The following WBP11 variants were observed in gnomAD, a reference collection of about 807,000 sequenced individuals.
The protein encoded by WBP11 is WW domain-binding protein 11.
In WBP11, 12 loss-of-function variants were observed where a neutral mutation model predicts 66.7. The observed-to-expected ratio is 0.18, with a 90% confidence interval of 0.12 to 0.29. The LOEUF (loss-of-function observed/expected upper bound fraction) is 0.29, where lower values mean the gene tolerates loss of function less well. Ranked by LOEUF, WBP11 falls within the 10% of genes least tolerant of loss-of-function variation. The pLI is 1.00. For missense variants in WBP11, 555 were observed against 818.3 expected (o/e 0.68, Z 3.93); for synonymous variants, 255 against 273.8 (o/e 0.93, Z 0.68).
chr12:14,795,080 T>C lies in WBP11; in HGVS notation c.412A>G (p.Ser138Gly). The C allele has an allele frequency of 6.2e-7, 1 of 1,611,966 alleles. No homozygotes were observed. The highest frequency in any genetic ancestry group is 8.5e-7 in the Non-Finnish European group (1 of 1,179,302). Residue 138 changes from serine (S) to glycine (G), a missense_variant, in exon 6 of 12, where the codon AGT (serine) becomes GGT (glycine). Physicochemically the swap from Ser to Gly is moderately conservative, Grantham distance 56. Around this residue, in one of 6 missense-constraint regions of WBP11, gnomAD observed 220 missense variants for 268.2 expected, o/e 0.82. Coordinates refer to ENST00000261167, the MANE Select transcript of WBP11 (RefSeq NM_016312.3). ...TGTGGCATATCTGGCAAAGGAATAC[T>C]CTCCACTTCCACATGCTGAGCATTC... ...VKNAQHVEVE[S>G]IPLPDMPHAP...
At chr12:14,802,003 A>C (rs1162023184) in intron 1 of WBP11, 1 of 152,330 alleles carries the variant, frequency 6.6e-6, no homozygotes, top group African/African-American at 2.4e-5. Context: ...TTCAGATATA[A>C]TGCTTGACTC....
In WBP11 at chr12:14,787,505, G is replaced by C. The variant is rs1949766559; in HGVS notation, c.1493-7C>G. Reference sequence around the variant, plus strand: ...GGACGAGGTGGAGGAATACCTAAATGAATAAAATAGGCAAGATGAATACTG... The same window carrying C: ...GGACGAGGTGGAGGAATACCTAAATCAATAAAATAGGCAAGATGAATACTG... On this transcript the variant is annotated splice_region_variant and splice_polypyrimidine_tract_variant and intron_variant, in intron 11 of 11. Transcript: ENST00000261167. 6.7e-7 allele frequency: 1 copy of C among 1,491,748 alleles called. No individual in the cohort carries two copies. Among genetic ancestry groups the C allele is most frequent in the Admixed American group, 2.3e-5 (1 of 43,622 alleles). 92.4% of individuals were successfully genotyped at this position (1,491,748 alleles called of 1,614,324 possible).
chr12:14,786,758 A>G lies in WBP11; in HGVS notation c.*307T>C. 1 of 247,254 alleles carries G rather than the reference A, an allele frequency of 4.0e-6. No individual in the cohort carries two copies. The highest frequency in any genetic ancestry group is 7.9e-6 in the Non-Finnish European group (1 of 127,206). 15.3% of individuals were successfully genotyped at this position (247,254 alleles called of 1,614,324 possible). A position where few individuals can be genotyped will look rare whatever the true frequency, so the allele number is the denominator to read the frequency against. ...ACAGCACACAAGAGTCAAAACAAAT[A>G]AGCAACTAAGATCCCCCGATCACAA... On this transcript the variant is annotated 3_prime_UTR_variant, in exon 12 of 12. Coordinates refer to ENST00000261167, the MANE Select transcript of WBP11 (RefSeq NM_016312.3).
intron 3 of WBP11, among the ~76,000 whole-genome samples, chr12:14,800,391 A>T (rs1342423895): frequency 1.3e-5 from 2 of 151,860 alleles, no homozygotes; most frequent in African/African-American, 4.8e-5. Flanking sequence ...TATATGTAAT[A>T]GACAGCTAAT....
rs536865398 is a variant in WBP11, at chr12:14,796,037, A to G, written c.387+770T>C. Among the ~76,000 whole-genome samples the G allele has an allele frequency of 6.6e-6, 1 of 152,242 alleles. No homozygotes were observed. Among genetic ancestry groups the G allele is most frequent in the East Asian group, 1.9e-4 (1 of 5,178 alleles). ...CATACTCCTTCCCAATCCATCTCTA[A>G]TATCATCCCCCAAGGCAACCACGGC... On this transcript the variant is annotated intron_variant, in intron 5 of 11. Coordinates refer to ENST00000261167, the MANE Select transcript of WBP11 (RefSeq NM_016312.3). This position sits in a 1 kb window ranked among gnomAD's most constrained non-coding sequence, Gnocchi z 4.5.
Position 14,786,892 on chromosome 12 carries a change from C to T in WBP11, c.*173G>A, listed in dbSNP as rs1949760140. ...TAACTGATCTATTCTGGATGAAATA[C>T]CCTTTTTTATGTGCAGTAAATTCTG... On this transcript the variant is annotated 3_prime_UTR_variant, in exon 12 of 12. Transcript: ENST00000261167. 54 of 671,978 alleles carry T rather than the reference C, an allele frequency of 8.0e-5. 1 individual carries two copies. The South Asian group carries it at 1.1e-3, about 14-fold the overall frequency. 41.6% of individuals were successfully genotyped at this position (671,978 alleles called of 1,614,324 possible). A position where few individuals can be genotyped will look rare whatever the true frequency, so the allele number is the denominator to read the frequency against.
At chr12:14,788,891 C>T (rs1344993614) in intron 11 of WBP11, 60 bp downstream of exon 11, 2 of 941,204 alleles carry the variant, frequency 2.1e-6, no homozygotes, top group South Asian at 4.4e-5. Flanking sequence ...GACCATATGT[C>T]TTAGAGCAAA....
Position 14,785,691 on chromosome 12 carries a change from A to G in WBP11, c.*1374T>C, listed in dbSNP as rs1031509952. ...AATAAATGCCTTATTGTATTATTGC[A>G]CTACATTTTAGGTTATCACCAATTT... On this transcript the variant is annotated 3_prime_UTR_variant, in exon 12 of 12. Coordinates refer to ENST00000261167, the MANE Select transcript of WBP11 (RefSeq NM_016312.3). 1.3e-5 allele frequency: 2 copies of G among 152,234 alleles called. No individual in the cohort carries two copies. Among genetic ancestry groups the G allele is most frequent in the Non-Finnish European group, 2.9e-5 (2 of 68,044 alleles). The allele number at this position is 152,234 out of a possible 1,614,324, so 9.4% of individuals were successfully genotyped here. A position where few individuals can be genotyped will look rare whatever the true frequency, so the allele number is the denominator to read the frequency against.
At position 14,787,581 on chromosome 12, in the gene WBP11, C is replaced by A; in HGVS notation, c.1493-83G>T. 1.1e-5 allele frequency: 14 copies of A among 1,252,644 alleles called. No homozygotes were observed. The South Asian group carries it at 1.1e-4, about 10-fold the overall frequency. 77.6% of individuals were successfully genotyped at this position (1,252,644 alleles called of 1,614,324 possible). ...ATTAAGGACATTTAAATATTGGTTG[C>A]CAATTTTTAAATAAATGGATAACAA... On this transcript the variant is annotated intron_variant, in intron 11 of 11. Coordinates refer to ENST00000261167, the MANE Select transcript of WBP11 (RefSeq NM_016312.3).
intron 4 of WBP11, among the ~76,000 whole-genome samples, chr12:14,798,681 A>C (rs1417434335): frequency 1.3e-5 from 2 of 152,060 alleles, no homozygotes; most frequent in Non-Finnish European, 2.9e-5. Context: ...GCCATGACTG[A>C]ATTTTTTTTT....
intron 1 of WBP11, chr12:14,802,161 CTTAT>C (rs1014625160): frequency 6.6e-6 from 1 of 152,184 alleles, no homozygotes; most frequent in Non-Finnish European, 1.5e-5. Flanking sequence ...AAAGGGAATA[CTTAT>C]TTTTGTTTGA....
At chr12:14,803,086 T>C (rs572916131) in intron 1 of WBP11, among the ~76,000 whole-genome samples, 1 of 152,126 alleles carries the variant, frequency 6.6e-6, no homozygotes, top group South Asian at 2.1e-4. Context: ...TGACCGACCA[T>C]GACTCGAGGT....
chr12:14,801,533 C>G, intron 1 of WBP11, 105 bp from the exon 2 acceptor site: 2 of 648,594 alleles, frequency 3.1e-6, no homozygotes, highest in South Asian at 4.0e-5. Context: ...ATTAGAAATT[C>G]TGTGAGACTG....
chr12:14,787,313 C>A lies in WBP11; in HGVS notation c.1678G>T (p.Ala560Ser). 6.2e-7 allele frequency: 1 copy of A among 1,614,118 alleles called. No homozygotes were observed. The highest frequency in any genetic ancestry group is 8.5e-7 in the Non-Finnish European group (1 of 1,180,004). The change falls in exon 12 of 12, where the codon GCA becomes TCA. Residue 560 changes from alanine to serine, a missense_variant. This residue lies in a region of WBP11 where 230 missense variants were observed against 286.3 expected (regional missense o/e 0.80). Transcript: ENST00000261167. Reference sequence around the variant, plus strand: ...ATCTGTGGCTTGGCACTGATGGTTGCTGTGGCTTTCTTCTCAATGGTGGCT... The same window carrying A: ...ATCTGTGGCTTGGCACTGATGGTTGATGTGGCTTTCTTCTCAATGGTGGCT... Reference protein sequence around the residue: ...SAATIEKKATATISAKPQITN... With the variant: ...SAATIEKKATSTISAKPQITN...
Position 14,793,838 on chromosome 12 carries a change from T to C in WBP11, c.806A>G (p.Asp269Gly). The change falls in exon 8 of 12, where the codon GAC becomes GGC. Residue 269 changes from aspartate (D) to glycine (G), a missense_variant. Transcript: ENST00000261167. The stretch of plus-strand genomic sequence containing the variant: ...GTCGGTGTCACTGTCATCAGTACTG[T>C]CATCATGCTTATCTTGATCCATGTC... ...PEDMDQDKHDDSTDDSDTDKS... is the reference protein window; with the variant it reads ...PEDMDQDKHDGSTDDSDTDKS... 6.2e-7 allele frequency: 1 copy of C among 1,614,124 alleles called. No homozygotes were observed. Among genetic ancestry groups the C allele is most frequent in the Middle Eastern group, 1.7e-4 (1 of 6,060 alleles).
chr12:14,801,255 A>C, intron 2 of WBP11, 65 bp downstream of exon 2: 1 of 1,488,336 alleles, frequency 6.7e-7, no homozygotes, highest in Non-Finnish European at 9.4e-7. Context: ...AGAGAAAGAA[A>C]TTCCCTAATA....
chr12:14,789,027 T>C lies in WBP11; in HGVS notation c.1416A>G (p.Pro472=), dbSNP rs548312187. The C allele has an allele frequency of 2.7e-6, 4 of 1,473,566 alleles. No individual in the cohort carries two copies. The highest frequency in any genetic ancestry group is 2.7e-6 in the Non-Finnish European group (3 of 1,125,108). The allele number at this position is 1,473,566 out of a possible 1,614,324, so 91.3% of individuals were successfully genotyped here. ...CAGGAGGCAGACCTGGAGGTGGACC[T>C]GGGGGAGGGCCAGGGGGTCGGCCTG... The part of the protein sequence containing the change: ...PPPGRPPGPP[P]GPPPGLPPGP... The change falls in exon 11 of 12, where the codon CCA becomes CCG. Residue 472 remains proline (P), a synonymous_variant. Coordinates refer to ENST00000261167, the MANE Select transcript of WBP11 (RefSeq NM_016312.3).
intron 3 of WBP11, among the ~76,000 whole-genome samples, chr12:14,800,332 A>G (rs1380908456): frequency 1.3e-5 from 2 of 151,832 alleles, no homozygotes; most frequent in Non-Finnish European, 2.9e-5. Flanking sequence ...TAAATCTAAT[A>G]TATCTATAAA....
Position 14,794,733 on chromosome 12 carries a change from A to C in WBP11, c.525T>G (p.Pro175=). ...GAAGGATAGAAACTGCCCGAGTTGGAGGTCTGTTAAAAAAAAAAACAAAAA... is the reference window on the plus strand; with the variant it reads ...GAAGGATAGAAACTGCCCGAGTTGGCGGTCTGTTAAAAAAAAAAACAAAAA... ...SILKKTSAYG[P]PTRAVSILPL... is the part of the protein sequence containing the mutation. Residue 175 remains proline (P), a synonymous_variant, in exon 7 of 12, where the codon CCT becomes CCG. Transcript: ENST00000261167. The C allele has an allele frequency of 1.3e-6, 2 of 1,534,542 alleles. No individual in the cohort carries two copies. Among genetic ancestry groups the C allele is most frequent in the Admixed American group, 2.3e-5 (1 of 43,514 alleles).
Sources: allele counts gnomAD v4.1 joint callset (sites outside exome capture counted in the v4.1 genomes callset), GRCh38; gene constraint gnomAD v4.1.1; regional missense constraint gnomAD v4.1.1; non-coding constraint Gnocchi (gnomAD v3.1); transcripts MANE v1.5; gene names NCBI Gene and HGNC (gene_info 2026-07-23, HGNC 2026-07-21).